The following HIF3A variants were observed in gnomAD, a reference collection of about 807,000 sequenced individuals.
The protein encoded by HIF3A is hypoxia-inducible factor 3-alpha.
In HIF3A, 41 loss-of-function variants were observed where a neutral mutation model predicts 67.2. The observed-to-expected ratio is 0.61, with a 90% confidence interval of 0.48 to 0.79. The LOEUF (loss-of-function observed/expected upper bound fraction) is 0.79. Ranked by LOEUF, HIF3A falls within the 30% of genes least tolerant of loss-of-function variation. The pLI, the probability that HIF3A is intolerant of heterozygous loss-of-function variation, is 0.00. For synonymous variants in HIF3A, 356 were observed against 374.8 expected (o/e 0.95, Z 0.58); for missense variants, 855 against 898.0 (o/e 0.95, Z 0.61).
At chr19:46,329,138 G>A in intron 11 of HIF3A, 69 bp from the exon 12 acceptor site, 1 of 1,433,678 alleles carries the variant, frequency 7.0e-7, no homozygotes, top group South Asian at 1.3e-5. Flanking sequence ...AAGTGATGGT[G>A]CTGGGACTTC....
rs537314246 is a variant in HIF3A at position 46,308,738 on chromosome 19, G to A, written c.524G>A (p.Arg175His). The change falls in exon 5 of 15, where the codon CGC becomes CAC. Residue 175 changes from arginine to histidine, a missense_variant. Arg to His is a conservative substitution (Grantham distance 29). Coordinates refer to ENST00000377670, the MANE Select transcript of HIF3A (RefSeq NM_152795.4). ...SLRMKSTLTS[R>H]GRTLNLKAAT... ...CGCATGAAGAGTACACTCACCAGCC[G>A]CGGGCGCACCCTCAACCTCAAGGCG... 17 of 1,610,126 alleles carry A rather than the reference G, an allele frequency of 1.1e-5. No homozygotes were observed. The highest frequency in any genetic ancestry group is 7.7e-5 in the South Asian group (7 of 90,342).
At position 46,320,561 on chromosome 19, in the gene HIF3A, G is replaced by C; in HGVS notation, c.1144G>C (p.Asp382His). Residue 382 changes from aspartate (D) to histidine (H), a missense_variant and splice_region_variant, in exon 9 of 15, where the codon GAC becomes CAC. Transcript: ENST00000377670. ...KDTPNPGDSL[D>H]TPGPRILAFL... ...CACCCCTAACCCTGGGGACAGCCTTGGTATGGGGCAGGGCTGGGGCCGGGA... is the reference window on the plus strand; with the variant it reads ...CACCCCTAACCCTGGGGACAGCCTTCGTATGGGGCAGGGCTGGGGCCGGGA... 3 of 1,611,688 alleles carry C rather than the reference G, an allele frequency of 1.9e-6. No individual in the cohort carries two copies. The highest frequency in any genetic ancestry group is 2.5e-6 in the Non-Finnish European group (3 of 1,177,880).
chr19:46,331,156 G>T lies in HIF3A; in HGVS notation c.1713G>T (p.Arg571Ser). Residue 571 changes from arginine to serine, a missense_variant and splice_region_variant, in exon 13 of 15, where the codon AGG becomes AGT. Arg to Ser is a moderately radical substitution (Grantham distance 110, BLOSUM62 -1). Coordinates refer to ENST00000377670, the MANE Select transcript of HIF3A (RefSeq NM_152795.4). Reference sequence around the variant, plus strand: ...GAGATTCTTGCCTGTTTTCCTCCAGGACCCTGGCCCAGAGCTCAGAGGACG... The same window carrying T: ...GAGATTCTTGCCTGTTTTCCTCCAGTACCCTGGCCCAGAGCTCAGAGGACG... The part of the protein sequence containing the change: ...ASSPMAGARK[R>S]TLAQSSEDED... The T allele has an allele frequency of 6.2e-7, 1 of 1,610,398 alleles. No homozygotes were observed. The highest frequency in any genetic ancestry group is 8.5e-7 in the Non-Finnish European group (1 of 1,177,554).
Position 46,310,012 on chromosome 19 carries a change from G to T in HIF3A, c.770+653G>T, listed in dbSNP as rs573878202. 5.3e-5 allele frequency among the ~76,000 whole-genome samples: 8 copies of T among 152,200 alleles called. No individual in the cohort carries two copies. In the South Asian group the frequency reaches 1.7e-3, roughly 32 times the overall value. ...GGCCAAGGTGGGTGGATCACCTGAC[G>T]TCAGGAGTTCAAGACCAGCCTGGCC... is the stretch of plus-strand genomic sequence containing the variant. On this transcript the variant is annotated intron_variant, in intron 6 of 14. Coordinates refer to ENST00000377670, the MANE Select transcript of HIF3A (RefSeq NM_152795.4).
At chr19:46,333,770 CCTTTCTTTTCTTT>C (rs1365976537) in intron 13 of HIF3A, among the ~76,000 whole-genome samples, 1 of 148,018 alleles carries the variant, frequency 6.8e-6, no homozygotes, top group African/African-American at 2.5e-5. Flanking sequence ...CTTTTCCTTT[CCTTTCTTTTCTTT>C]CTTTCTTTTT....
Position 46,312,252 on chromosome 19 carries a change from A to G in HIF3A, c.862A>G (p.Lys288Glu). 1 of 1,613,908 alleles carries G rather than the reference A, an allele frequency of 6.2e-7. No homozygotes were observed. The highest frequency in any genetic ancestry group is 8.5e-7 in the Non-Finnish European group (1 of 1,179,954). The part of the protein sequence containing the change: ...IHALDSDAVS[K>E]SIHTLLSKGQ... ...CGCGCTGGACTCCGATGCGGTCAGC[A>G]AGAGCATCCACACCTGTATGTATCC... The change falls in exon 7 of 15, where the codon AAG (lysine) becomes GAG (glutamate). Residue 288 changes from lysine to glutamate, a missense_variant. By Grantham distance (56) the Lys-to-Glu change is moderately conservative (BLOSUM62 1). Transcript: ENST00000377670.
In HIF3A at chr19:46,297,626, C is replaced by T. The variant is rs1195675444; in HGVS notation, c.26+524C>T. On this transcript the variant is annotated intron_variant, in intron 1 of 14. Transcript: ENST00000377670. This position sits in a 1 kb window ranked among gnomAD's most constrained non-coding sequence, Gnocchi z 4.5. ...CTCCTGAGTTCAAGAGAGGAGAGATCTCCTCTAATAGTATGCTTCCTGACA... is the reference window on the plus strand; with the variant it reads ...CTCCTGAGTTCAAGAGAGGAGAGATTTCCTCTAATAGTATGCTTCCTGACA... Among the ~76,000 whole-genome samples the T allele has an allele frequency of 6.6e-6, 1 of 152,060 alleles. No homozygotes were observed. Among genetic ancestry groups the T allele is most frequent in the Non-Finnish European group, 1.5e-5 (1 of 67,988 alleles).
At chr19:46,308,856 C>A (rs1969159879) in intron 5 of HIF3A, 81 bp downstream of exon 5, 3 of 971,674 alleles carry the variant, frequency 3.1e-6, no homozygotes, top group Non-Finnish European at 4.6e-6. Flanking sequence ...GTGCTGGAGT[C>A]CAGGCATCTC....
At chr19:46,333,763 T>C (rs1008339931) in intron 13 of HIF3A, among the ~76,000 whole-genome samples, 1 of 151,094 alleles carries the variant, frequency 6.6e-6, no homozygotes, top group Non-Finnish European at 1.5e-5. Flanking sequence ...TTCTTTTCTT[T>C]TCCTTTCCTT....
At chr19:46,298,271 C>A in intron 1 of HIF3A, 1 of 526,132 alleles carries the variant, frequency 1.9e-6, no homozygotes, top group Non-Finnish European at 3.1e-6. Context: ...TAACAAGGAA[C>A]TCTATCCCAC....
At chr19:46,304,152 C>T (rs1968602840) in intron 2 of HIF3A, 64 bp downstream of exon 2, 1 of 1,409,448 alleles carries the variant, frequency 7.1e-7, no homozygotes, top group Non-Finnish European at 9.6e-7. Context: ...AAACTACATC[C>T]CAGGGAGGCC....
Position 46,312,206 on chromosome 19 carries a change from T to C in HIF3A, c.816T>C (p.Cys272=). 6.2e-7 allele frequency: 1 copy of C among 1,614,010 alleles called. No homozygotes were observed. Among genetic ancestry groups the C allele is most frequent in the East Asian group, 2.2e-5 (1 of 44,874 alleles). ...ATAGTCCCGATGACCTGATCGGCTG[T>C]TCCGCCTACGAGTACATCCACGCGC... ...AGYSPDDLIG[C]SAYEYIHALD... is the part of the protein sequence containing the mutation. Residue 272 remains cysteine, a synonymous_variant, in exon 7 of 15, where the codon TGT becomes TGC. Transcript: ENST00000377670.
chr19:46,310,479 T>G, intron 6 of HIF3A: 1 of 353,168 alleles, frequency 2.8e-6, no homozygotes, highest in South Asian at 2.1e-5. Flanking sequence ...TCTCTCCCCC[T>G]CTCTTCCTTC....
In HIF3A at chr19:46,297,215, C is replaced by A; in HGVS notation, c.26+113C>A. ...TCGCGGGTGCGAGCCAAGAACGCCC[C>A]GGGGCGCGCAGTTGGAGGCACATCC... is the stretch of plus-strand genomic sequence containing the variant. On this transcript the variant is annotated intron_variant, in intron 1 of 14. Transcript: ENST00000377670. This position sits in a 1 kb window ranked among gnomAD's most constrained non-coding sequence, Gnocchi z 4.5. 1.6e-6 allele frequency: 1 copy of A among 629,600 alleles called. No homozygotes were observed. The highest frequency in any genetic ancestry group is 3.2e-5 in the East Asian group (1 of 31,704). The allele number at this position is 629,600 out of a possible 1,614,324, so 39.0% of individuals were successfully genotyped here. A position where few individuals can be genotyped will look rare whatever the true frequency, so the allele number is the denominator to read the frequency against.
rs926450617 is a variant in HIF3A at position 46,343,376 on chromosome 19, GCTCTGAAACTCACCAAT to G, written c.*3759_*3775del. 2.6e-5 allele frequency: 4 copies of G among 152,632 alleles called. No individual in the cohort carries two copies. Among genetic ancestry groups the G allele is most frequent in the African/African-American group, 9.7e-5 (4 of 41,414 alleles). 9.5% of individuals were successfully genotyped at this position (152,632 alleles called of 1,614,324 possible). A position where few individuals can be genotyped will look rare whatever the true frequency, so the allele number is the denominator to read the frequency against. On this transcript the variant is annotated 3_prime_UTR_variant, in exon 15 of 15. Coordinates refer to ENST00000377670, the MANE Select transcript of HIF3A (RefSeq NM_152795.4). ...GGGAGGGACTAGACTGGCCACACTG[GCTCTGAAACTCACCAAT>G]CTCTATACACCATAAAGACCTCACC...
Position 46,310,563 on chromosome 19 carries a change from C to T in HIF3A, c.770+1204C>T, listed in dbSNP as rs1458752641. 1.3e-5 allele frequency: 6 copies of T among 455,616 alleles called. No homozygotes were observed. In the Admixed American group the frequency reaches 1.4e-4, roughly 11 times the overall value. The allele number at this position is 455,616 out of a possible 1,614,324, so 28.2% of individuals were successfully genotyped here. A position where few individuals can be genotyped will look rare whatever the true frequency, so the allele number is the denominator to read the frequency against. On this transcript the variant is annotated intron_variant, in intron 6 of 14. Coordinates refer to ENST00000377670, the MANE Select transcript of HIF3A (RefSeq NM_152795.4). ...TTAGGAATGGTGACTCTGGATTCAG[C>T]CTGCTTGAGTGTCAGTCTTGGCTGT... is the stretch of plus-strand genomic sequence containing the variant.
chr19:46,339,604 C>G lies in HIF3A; in HGVS notation c.1992C>G (p.Gly664=). The G allele has an allele frequency of 6.2e-7, 1 of 1,607,494 alleles. No homozygotes were observed. Among genetic ancestry groups the G allele is most frequent in the South Asian group, 1.1e-5 (1 of 90,048 alleles). Reference sequence around the variant, plus strand: ...GGGGCCCCTTCCAGCCAAGGGCAGGCTCAGCCCAGGCTGACTGAGCCGGCT... The same window carrying G: ...GGGGCCCCTTCCAGCCAAGGGCAGGGTCAGCCCAGGCTGACTGAGCCGGCT... The part of the protein sequence containing the change: ...QPGGPFQPRA[G]SAQAD Residue 664 remains glycine, a synonymous_variant, in exon 15 of 15, where the codon GGC becomes GGG. Transcript: ENST00000377670.
intron 10 of HIF3A, among the ~76,000 whole-genome samples, chr19:46,323,884 CA>C: frequency 6.6e-6 from 1 of 152,144 alleles, no homozygotes; most frequent in African/African-American, 2.4e-5. Flanking sequence ...AGACCACCCC[CA>C]TGATTCAATT....
intron 13 of HIF3A, among the ~76,000 whole-genome samples, chr19:46,332,983 G>GA (rs538814072): frequency 0.015 from 1,635 of 109,272 alleles, 18 homozygotes; most frequent in African/African-American, 0.039. Context: ...CTCCCTCTCA[G>GA]AAAAAAAAAA....
Sources: allele counts gnomAD v4.1 joint callset (sites outside exome capture counted in the v4.1 genomes callset), GRCh38; gene constraint gnomAD v4.1.1; non-coding constraint Gnocchi (gnomAD v3.1); transcripts MANE v1.5; gene names NCBI Gene and HGNC (gene_info 2026-07-23, HGNC 2026-07-21).